The following HDAC9 variants were observed in gnomAD, a reference collection of about 807,000 sequenced individuals.
HDAC9 encodes the protein histone deacetylase 9.
HDAC9 carries 41 observed loss-of-function variants against 139.4 expected under a neutral mutation model. The observed-to-expected ratio is 0.29, with a 90% confidence interval of 0.23 to 0.38. HDAC9 has a LOEUF of 0.38. Ranked by LOEUF, HDAC9 falls within the 10% of genes least tolerant of loss-of-function variation. The pLI is 1.00. For missense variants in HDAC9, 1,147 were observed against 1,297.0 expected, an observed-to-expected ratio of 0.88 and a Z score of 1.78; for synonymous variants, 517 against 476.2, an observed-to-expected ratio of 1.09 and a Z score of -1.12.
chr7:18,668,220 A>G, intron 12 of HDAC9: 1 of 908,394 alleles, frequency 1.1e-6, no homozygotes, highest in African/African-American at 1.8e-5. Flanking sequence ...AGTTTTCCAC[A>G]TAATGAAAGT....
chr7:18,805,531 G>A (rs1196795386), intron 17 of HDAC9, among the ~76,000 whole-genome samples: 1 of 152,218 alleles, frequency 6.6e-6, no homozygotes, highest in African/African-American at 2.4e-5. Flanking sequence ...CGGGCCAGTG[G>A]ACACTGCGCA....
chr7:18,122,575 C>CTGGTTTA, intron 1 of HDAC9, among the ~76,000 whole-genome samples: 1 of 152,042 alleles, frequency 6.6e-6, no homozygotes, highest in Admixed American at 6.6e-5. Flanking sequence ...TTGGTTGACT[C>CTGGTTTA]GAACACAGAA....
chr7:18,616,576 T>A (rs149941706), intron 6 of HDAC9, among the ~76,000 whole-genome samples: 116 of 152,296 alleles, frequency 7.6e-4, no homozygotes, highest in African/African-American at 2.7e-3. Context: ...ATGATATAGT[T>A]CAGTAAAGTT....
At chr7:18,203,987 C>G (rs77553103) in intron 2 of HDAC9, among the ~76,000 whole-genome samples, 2,701 of 152,246 alleles carry the variant, frequency 0.018, 57 homozygotes, top group African/African-American at 0.05. Flanking sequence ...CTCATGCATA[C>G]TGAAGCGTGT....
intron 17 of HDAC9, among the ~76,000 whole-genome samples, chr7:18,808,911 A>T (rs7794273): frequency 7.4e-4 from 112 of 151,936 alleles, no homozygotes; most frequent in African/African-American, 2.4e-3. Context: ...AACGAAGATG[A>T]AGACATCACA....
chr7:18,225,365 A>G (rs944073079), intron 2 of HDAC9, among the ~76,000 whole-genome samples: 1 of 152,170 alleles, frequency 6.6e-6, no homozygotes, highest in South Asian at 2.1e-4. Flanking sequence ...ATCCCAAAAG[A>G]CTTCTGCTTA....
chr7:18,421,342 A>G (rs1462861329), intron 1 of HDAC9, among the ~76,000 whole-genome samples: 10 of 151,840 alleles, frequency 6.6e-5, no homozygotes, highest in Non-Finnish European at 1.5e-4. Flanking sequence ...TCTCTTAAAA[A>G]CAGAAAAAAG....
intron 16 of HDAC9, among the ~76,000 whole-genome samples, chr7:18,780,025 C>T (rs574203478): frequency 3.3e-5 from 5 of 152,124 alleles, no homozygotes; most frequent in South Asian, 4.1e-4. Flanking sequence ...GCTCCAAAAG[C>T]GCTTTTTCAA....
intron 2 of HDAC9, among the ~76,000 whole-genome samples, chr7:18,162,998 A>G (rs374087548): frequency 6.6e-6 from 1 of 152,188 alleles, no homozygotes; most frequent in South Asian, 2.1e-4. Context: ...CAGATACCAC[A>G]TACTAGTAAC....
At chr7:18,773,412 A>C (rs1382537688) in intron 16 of HDAC9, among the ~76,000 whole-genome samples, 4 of 140,570 alleles carry the variant, frequency 2.8e-5, no homozygotes, top group African/African-American at 5.2e-5. Flanking sequence ...CACACACACA[A>C]AAGCACCTAT....
intron 2 of HDAC9, among the ~76,000 whole-genome samples, chr7:18,176,636 G>C (rs940980768): frequency 1.3e-5 from 2 of 152,038 alleles, no homozygotes; most frequent in African/African-American, 4.8e-5. Context: ...TGAAAATTCT[G>C]TTTGGGTAAT....
At chr7:18,889,896 G>A (rs1221084352) in intron 22 of HDAC9, among the ~76,000 whole-genome samples, 4 of 152,170 alleles carry the variant, frequency 2.6e-5, no homozygotes, top group Non-Finnish European at 4.4e-5. Context: ...GTAGAGGTAG[G>A]ATCTTGTTAT....
At chr7:18,679,548 C>G (rs1412153586) in intron 12 of HDAC9, among the ~76,000 whole-genome samples, 1 of 133,600 alleles carries the variant, frequency 7.5e-6, no homozygotes, top group African/African-American at 2.8e-5. Flanking sequence ...TCCTTTCTTT[C>G]TTTTTCTTTT....
At chr7:18,442,447 C>T (rs1209743041) in intron 1 of HDAC9, among the ~76,000 whole-genome samples, 2 of 152,228 alleles carry the variant, frequency 1.3e-5, no homozygotes, top group East Asian at 3.9e-4. Context: ...AAAGCTGAGA[C>T]TTCCACTCCA....
At chr7:18,972,858 G>A (rs1179388570) in intron 24 of HDAC9, among the ~76,000 whole-genome samples, 2 of 152,182 alleles carry the variant, frequency 1.3e-5, no homozygotes, top group African/African-American at 4.8e-5. Flanking sequence ...ACAAAGTCTA[G>A]AAAATGTGTG....
At chr7:18,927,208 A>G (rs1480756532) in intron 22 of HDAC9, among the ~76,000 whole-genome samples, 1 of 152,186 alleles carries the variant, frequency 6.6e-6, no homozygotes, top group African/African-American at 2.4e-5. Context: ...GGTAGCGACA[A>G]TGGTTCTGTG....
chr7:18,210,008 G>T (rs968797869), intron 2 of HDAC9, among the ~76,000 whole-genome samples: 3 of 137,174 alleles, frequency 2.2e-5, no homozygotes, highest in Non-Finnish European at 3.3e-5. Flanking sequence ...CCAAGAGAAG[G>T]TACTTTTTTT....
chr7:18,323,573 T>C (rs1346018847), intron 1 of HDAC9, among the ~76,000 whole-genome samples: 3 of 152,106 alleles, frequency 2.0e-5, no homozygotes, highest in African/African-American at 4.8e-5. Context: ...CAAATTTGAA[T>C]CCCTGGAAGT....
At chr7:18,103,290 C>T (rs969506446) in intron 1 of HDAC9, among the ~76,000 whole-genome samples, 3 of 152,140 alleles carry the variant, frequency 2.0e-5, no homozygotes, top group African/African-American at 7.2e-5. Context: ...TGGTTGGGGA[C>T]ACAGCCAAAC....
Sources: gnomAD v4.1 joint callset for allele counts (sites outside exome capture counted in the v4.1 genomes callset) on GRCh38, gnomAD v4.1.1 for gene constraint, MANE v1.5 for transcripts, NCBI Gene and HGNC (gene_info 2026-07-23, HGNC 2026-07-21) for gene names.